EBF1: variants seen among roughly 807,000 people sequenced by gnomAD.
EBF1 encodes the protein transcription factor COE1.
A neutral mutation model predicts 68.4 loss-of-function variants in EBF1; 10 were observed. The ratio of observed to expected loss-of-function variants is 0.15; its 90% CI spans 0.09 to 0.25. EBF1 has a LOEUF of 0.25. Among genes scored for constraint, EBF1 ranks in the 10% least tolerant of loss-of-function variants. EBF1 has a pLI of 1.00. For missense variants in EBF1, 509 were observed against 794.4 expected (o/e 0.64, Z 4.32); for synonymous variants, 298 against 299.8 (o/e 0.99, Z 0.06).
At chr5:158,728,482 A>T (rs1178003737) in intron 11 of EBF1, among the ~76,000 whole-genome samples, 1 of 152,228 alleles carries the variant, frequency 6.6e-6, no homozygotes, top group East Asian at 1.9e-4. Context: ...ACTCAACCCT[A>T]GATTCCCATT....
intron 6 of EBF1, among the ~76,000 whole-genome samples, chr5:158,862,307 T>C (rs981607293): frequency 3.9e-5 from 6 of 152,068 alleles, no homozygotes; most frequent in African/African-American, 1.4e-4. Context: ...ATGGTGTAAA[T>C]GGTTTTGATA....
At chr5:159,050,253 T>C (rs1773316920) in intron 6 of EBF1, among the ~76,000 whole-genome samples, 1 of 148,732 alleles carries the variant, frequency 6.7e-6, no homozygotes, top group Admixed American at 6.7e-5. Flanking sequence ...CTCTCCTCCC[T>C]CTCCCTCTCT....
chr5:158,907,611 C>T lies in EBF1; in HGVS notation c.555-67501G>A, dbSNP rs528546082. ...CCTATTCTCATGGGTGTCCTGGTCC[C>T]ATGAAATGAATTCCTGAGTTATCAG... On this transcript the variant is annotated intron_variant, in intron 6 of 15. Coordinates refer to ENST00000313708, the MANE Select transcript of EBF1 (RefSeq NM_024007.5). 2.6e-5 allele frequency among the ~76,000 whole-genome samples: 4 copies of T among 152,212 alleles called. No homozygotes were observed. The South Asian group carries it at 8.3e-4, about 32-fold the overall frequency.
intron 6 of EBF1, among the ~76,000 whole-genome samples, chr5:158,969,838 G>GAA: frequency 9.7e-6 from 1 of 103,178 alleles, no homozygotes; most frequent in African/African-American, 3.7e-5. Context: ...AGAAAAGAAA[G>GAA]AAAGAGAAAG....
chr5:159,015,742 C>T (rs1023127259), intron 6 of EBF1, among the ~76,000 whole-genome samples: 3 of 152,290 alleles, frequency 2.0e-5, no homozygotes, highest in African/African-American at 7.2e-5. Context: ...CTATACGGTC[C>T]GCATCTTTGT....
intron 6 of EBF1, among the ~76,000 whole-genome samples, chr5:159,050,138 A>G (rs993928073): frequency 1.8e-4 from 27 of 146,060 alleles, no homozygotes; most frequent in Admixed American, 1.6e-3. Flanking sequence ...AGTAAACAAG[A>G]GGTTCGTTTC....
intron 6 of EBF1, among the ~76,000 whole-genome samples, chr5:159,056,218 G>T (rs191640372): frequency 6.6e-5 from 10 of 152,272 alleles, no homozygotes; most frequent in Admixed American, 3.3e-4. Flanking sequence ...AATTTTAGTG[G>T]ATTGATACTG....
intron 11 of EBF1, among the ~76,000 whole-genome samples, chr5:158,722,828 C>T (rs1471623448): frequency 1.3e-5 from 2 of 152,154 alleles, no homozygotes; most frequent in Admixed American, 1.3e-4. Context: ...GTGAGCAAGG[C>T]TTAAGACCTC....
intron 6 of EBF1, among the ~76,000 whole-genome samples, chr5:159,055,936 G>A (rs1774660408): frequency 6.6e-6 from 1 of 152,154 alleles, no homozygotes; most frequent in African/African-American, 2.4e-5. Flanking sequence ...AACATGCTGG[G>A]TCCTTTGTTT....
intron 6 of EBF1, among the ~76,000 whole-genome samples, chr5:159,068,690 G>A (rs981547031): frequency 1.3e-5 from 2 of 151,974 alleles, no homozygotes; most frequent in Non-Finnish European, 2.9e-5. Context: ...AGGCAAATGG[G>A]CATTCTAATA....
At chr5:158,782,143 T>C (rs900013981) in intron 9 of EBF1, among the ~76,000 whole-genome samples, 1 of 152,208 alleles carries the variant, frequency 6.6e-6, no homozygotes, top group African/African-American at 2.4e-5. Flanking sequence ...TACTTGTTCT[T>C]GAAGACCCCA....
At chr5:158,736,413 C>T (rs1406862257) in intron 10 of EBF1, among the ~76,000 whole-genome samples, 5 of 152,080 alleles carry the variant, frequency 3.3e-5, no homozygotes, top group Non-Finnish European at 1.5e-5. Context: ...GACTCACTGC[C>T]GTGCTTTCAC....
At chr5:158,974,773 C>T (rs994452279) in intron 6 of EBF1, among the ~76,000 whole-genome samples, 2 of 152,076 alleles carry the variant, frequency 1.3e-5, no homozygotes, top group African/African-American at 4.8e-5. Context: ...AATTTCTGAC[C>T]TGGGAGATTA....
At chr5:158,774,123 C>T (rs566703023) in intron 10 of EBF1, among the ~76,000 whole-genome samples, 102 of 152,282 alleles carry the variant, frequency 6.7e-4, no homozygotes, top group African/African-American at 2.2e-3. Flanking sequence ...GATTCACTTT[C>T]CAGAGTCTGT....
chr5:159,061,126 A>G (rs917275682), intron 6 of EBF1, among the ~76,000 whole-genome samples: 7 of 152,042 alleles, frequency 4.6e-5, no homozygotes, highest in Non-Finnish European at 1.0e-4. Flanking sequence ...CTTAATTATT[A>G]TTATTATTAT....
chr5:158,706,335 A>G (rs1342647982), intron 15 of EBF1, among the ~76,000 whole-genome samples: 1 of 152,042 alleles, frequency 6.6e-6, no homozygotes, highest in Non-Finnish European at 1.5e-5. Flanking sequence ...AGTATTTTGA[A>G]GAGTCCTCCT....
rs112580789 is a variant in EBF1 at position 158,725,600 on chromosome 5, C to A, written c.1125+5469G>T. 8.6e-3 allele frequency among the ~76,000 whole-genome samples: 1,305 copies of A among 152,332 alleles called. 27 individuals carry two copies. The highest frequency in any genetic ancestry group is 0.03 in the African/African-American group (1,238 of 41,584). ...TAAGCTAAGCTTGCAAAGCAAAAGG[C>A]TGCTCATCTGGCAGTTAAAATGAAT... On this transcript the variant is annotated intron_variant, in intron 11 of 15. Transcript: ENST00000313708.
chr5:158,749,268 TC>T (rs1177765179), intron 10 of EBF1, among the ~76,000 whole-genome samples: 1 of 152,164 alleles, frequency 6.6e-6, no homozygotes, highest in Non-Finnish European at 1.5e-5. Flanking sequence ...ACTACTTGGA[TC>T]CTATCAAAAA....
At chr5:159,091,168 A>G (rs544929505) in intron 4 of EBF1, among the ~76,000 whole-genome samples, 5 of 152,228 alleles carry the variant, frequency 3.3e-5, no homozygotes, top group East Asian at 1.9e-4. Context: ...AAACATTCAC[A>G]TGGAAACAGC....
Sources: gnomAD v4.1 joint callset for allele counts (sites outside exome capture counted in the v4.1 genomes callset) on GRCh38, gnomAD v4.1.1 for gene constraint, MANE v1.5 for transcripts, NCBI Gene and HGNC (gene_info 2026-07-23, HGNC 2026-07-21) for gene names.